Variants in OSBPL8 observed in about 807,000 individuals in gnomAD.
OSBPL8 encodes oxysterol-binding protein-related protein 8.
OSBPL8 carries 59 observed loss-of-function variants against 125.5 expected under a neutral mutation model. The ratio of observed to expected loss-of-function variants is 0.47; its 90% CI spans 0.38 to 0.58. The LOEUF (loss-of-function observed/expected upper bound fraction) is 0.58. Ranked by LOEUF, OSBPL8 falls within the 20% of genes least tolerant of loss-of-function variation. OSBPL8 has a pLI of 0.00. For missense variants in OSBPL8, 758 were observed against 1,047.8 expected (o/e 0.72, Z 3.82); for synonymous variants, 330 against 338.9 (o/e 0.97, Z 0.29).
intron 8 of OSBPL8, among the ~76,000 whole-genome samples, chr12:76,397,202 AT>A (rs34719825): frequency 0.79 from 118,939 of 150,294 alleles, 47,270 homozygotes; most frequent in East Asian, 0.92. Flanking sequence ...ATTAAAAAAA[AT>A]TTTTTTTTTT....
intron 2 of OSBPL8, among the ~76,000 whole-genome samples, chr12:76,477,862 A>G (rs1876998428): frequency 6.6e-6 from 1 of 151,986 alleles, no homozygotes; most frequent in South Asian, 2.1e-4. Context: ...TTATTTAAAA[A>G]TATATATATC....
At chr12:76,463,176 C>CCAAA (rs760064780) in intron 2 of OSBPL8, among the ~76,000 whole-genome samples, 1 of 151,994 alleles carries the variant, frequency 6.6e-6, no homozygotes, top group Non-Finnish European at 1.5e-5. Flanking sequence ...GAATCGTGGA[C>CCAAA]CAAAGTGTTA....
chr12:76,407,834 G>A (rs1245512866), intron 5 of OSBPL8, among the ~76,000 whole-genome samples: 2 of 151,778 alleles, frequency 1.3e-5, no homozygotes, highest in Non-Finnish European at 2.9e-5. Context: ...CTTACCTCCC[G>A]TGAACAAAAA....
At chr12:76,402,552 T>C in intron 6 of OSBPL8, 137 bp downstream of exon 6, 2 of 665,788 alleles carry the variant, frequency 3.0e-6, no homozygotes, top group Non-Finnish European at 5.2e-6. Flanking sequence ...ATTTTCTATG[T>C]GTGCCTGCCT....
intron 5 of OSBPL8, among the ~76,000 whole-genome samples, chr12:76,407,990 G>C (rs1461216473): frequency 6.6e-6 from 1 of 151,874 alleles, no homozygotes; most frequent in Admixed American, 6.6e-5. Flanking sequence ...CGTTAAAATG[G>C]CCCAAGTAAA....
Position 76,529,462 on chromosome 12 carries a change from T to C in OSBPL8, c.-68+29935A>G, listed in dbSNP as rs575891144. 2.0e-3 allele frequency among the ~76,000 whole-genome samples: 300 copies of C among 151,968 alleles called. 2 individuals are homozygous for C. The highest frequency in any genetic ancestry group is 6.9e-3 in the African/African-American group (286 of 41,402). On this transcript the variant is annotated intron_variant, in intron 1 of 23. Transcript: ENST00000261183. ...CTCTAAACCATGAAGCAACTAACCA[T>C]TTGTACTTGCCTTAGAATAGCAGTG... is the stretch of plus-strand genomic sequence containing the variant.
At chr12:76,418,785 A>G (rs2136475129) in intron 4 of OSBPL8, among the ~76,000 whole-genome samples, 1 of 152,258 alleles carries the variant, frequency 6.6e-6, no homozygotes, top group African/African-American at 2.4e-5. Flanking sequence ...GTGAGCCAAG[A>G]TGGTGCCTCT....
chr12:76,419,236 A>G (rs1046968538), intron 4 of OSBPL8, among the ~76,000 whole-genome samples: 6 of 152,154 alleles, frequency 3.9e-5, no homozygotes, highest in African/African-American at 1.4e-4. Flanking sequence ...ACTCCATCTC[A>G]AAACAAAAAC....
At chr12:76,398,381 G>GC (rs1263009226) in intron 7 of OSBPL8, among the ~76,000 whole-genome samples, 1 of 152,020 alleles carries the variant, frequency 6.6e-6, no homozygotes, top group African/African-American at 2.4e-5. Flanking sequence ...CTTCCTCCTA[G>GC]CCCCTAAAAT....
chr12:76,453,256 T>G (rs1260513586), intron 3 of OSBPL8, among the ~76,000 whole-genome samples: 1 of 152,176 alleles, frequency 6.6e-6, no homozygotes, highest in Non-Finnish European at 1.5e-5. Context: ...TTCAATAAAT[T>G]TATGTTGAAT....
intron 13 of OSBPL8, 68 bp from the exon 14 acceptor site, chr12:76,386,334 CA>C (rs1953312706): frequency 6.6e-7 from 1 of 1,510,132 alleles, no homozygotes. Flanking sequence ...TTAAACTAGT[CA>C]AAATGGGTTT....
chr12:76,539,143 C>A (rs925949032), intron 1 of OSBPL8, among the ~76,000 whole-genome samples: 1 of 149,508 alleles, frequency 6.7e-6, no homozygotes, highest in Non-Finnish European at 1.5e-5. Flanking sequence ...TGCCACCCAA[C>A]AGCCACACAG....
chr12:76,438,903 T>C (rs1488331829), intron 4 of OSBPL8, among the ~76,000 whole-genome samples: 1 of 152,160 alleles, frequency 6.6e-6, no homozygotes, highest in African/African-American at 2.4e-5. Flanking sequence ...GAACAAGAAA[T>C]GTCTTATAAT....
At position 76,386,572 on chromosome 12, in the gene OSBPL8, T is replaced by G. The variant is rs754650314; in HGVS notation, c.1434+7A>C. ...AAAGACAATAAAATGTAAACAAACA[T>G]TATTACCTTTGGCTTTTTATAGAAT... is the stretch of plus-strand genomic sequence containing the variant. On this transcript the variant is annotated splice_region_variant and intron_variant, in intron 13 of 23. Coordinates refer to ENST00000261183, the MANE Select transcript of OSBPL8 (RefSeq NM_020841.5). 5.1e-6 allele frequency: 8 copies of G among 1,580,100 alleles called. No homozygotes were observed. In the East Asian group the frequency reaches 1.6e-4, roughly 31 times the overall value.
At chr12:76,422,947 A>C (rs1431315503) in intron 4 of OSBPL8, 1 of 178,170 alleles carries the variant, frequency 5.6e-6, no homozygotes, top group Non-Finnish European at 1.2e-5. Flanking sequence ...ACCACCCTGC[A>C]CTGAATTGCT....
At chr12:76,469,561 G>A (rs1001362077) in intron 2 of OSBPL8, among the ~76,000 whole-genome samples, 2 of 152,112 alleles carry the variant, frequency 1.3e-5, no homozygotes, top group Non-Finnish European at 2.9e-5. Context: ...CTGCCCAACA[G>A]ATATGCAAGC....
intron 1 of OSBPL8, among the ~76,000 whole-genome samples, chr12:76,527,785 A>G (rs1197166414): frequency 6.6e-6 from 1 of 152,226 alleles, no homozygotes; most frequent in Non-Finnish European, 1.5e-5. Flanking sequence ...TATAATGGAC[A>G]GCAAGAATGC....
chr12:76,421,765 AAAG>A (rs1869512952), intron 4 of OSBPL8, among the ~76,000 whole-genome samples: 1 of 152,050 alleles, frequency 6.6e-6, no homozygotes. Context: ...TCTGAAAGGA[AAAG>A]ATTATTTAAA....
At chr12:76,365,217 C>T (rs1038432780) in intron 21 of OSBPL8, among the ~76,000 whole-genome samples, 4 of 152,186 alleles carry the variant, frequency 2.6e-5, no homozygotes, top group Non-Finnish European at 2.9e-5. Flanking sequence ...GCTGAGGTTA[C>T]AGGCATGAGC....
Sources: gnomAD v4.1 joint callset for allele counts (sites outside exome capture counted in the v4.1 genomes callset) on GRCh38, gnomAD v4.1.1 for gene constraint, MANE v1.5 for transcripts, NCBI Gene and HGNC (gene_info 2026-07-23, HGNC 2026-07-21) for gene names.